Variants in DOCK1 observed in about 807,000 individuals in gnomAD.
DOCK1 encodes the protein dedicator of cytokinesis 1.
DOCK1 carries 138 observed loss-of-function variants against 262.7 expected under a neutral mutation model. The ratio of observed to expected loss-of-function variants is 0.53; its 90% CI spans 0.46 to 0.61. The LOEUF is 0.61. Ranked by LOEUF, DOCK1 falls within the 20% of genes least tolerant of loss-of-function variation. DOCK1 has a pLI of 0.00. For missense variants in DOCK1, 1,908 were observed against 2,370.7 expected, an observed-to-expected ratio of 0.80 and a Z score of 4.05; for synonymous variants, 866 against 867.4, an observed-to-expected ratio of 1.00 and a Z score of 0.03.
intron 10 of DOCK1, among the ~76,000 whole-genome samples, chr10:127,007,966 G>A (rs1159708116): frequency 6.6e-6 from 1 of 152,210 alleles, no homozygotes; most frequent in Admixed American, 6.5e-5. Flanking sequence ...TTGCGGGAAA[G>A]CAAAAGTGTG....
At chr10:127,007,717 T>G (rs921186748) in intron 10 of DOCK1, 2 of 152,198 alleles carry the variant, frequency 1.3e-5, no homozygotes, top group African/African-American at 4.8e-5. Context: ...CAAGCCTGGA[T>G]CTCCCGGGGG....
intron 29 of DOCK1, among the ~76,000 whole-genome samples, chr10:127,318,702 T>G (rs757318327): frequency 2.0e-5 from 3 of 152,216 alleles, no homozygotes; most frequent in Non-Finnish European, 4.4e-5. Flanking sequence ...AGGACTATTT[T>G]AAATGCTGGG....
At chr10:127,300,733 C>T (rs969836489) in intron 29 of DOCK1, among the ~76,000 whole-genome samples, 48 of 152,278 alleles carry the variant, frequency 3.2e-4, no homozygotes, top group African/African-American at 1.1e-3. Context: ...AGAATGGCCT[C>T]CCCAGCCGTT....
At chr10:127,222,803 C>T (rs941643091) in intron 27 of DOCK1, among the ~76,000 whole-genome samples, 3 of 95,624 alleles carry the variant, frequency 3.1e-5, no homozygotes, top group Non-Finnish European at 5.0e-5. Context: ...GTAGCTGGGA[C>T]TACAAGCACT....
intron 1 of DOCK1, among the ~76,000 whole-genome samples, chr10:126,946,920 G>T (rs972546473): frequency 6.6e-6 from 1 of 152,156 alleles, no homozygotes; most frequent in Non-Finnish European, 1.5e-5. Flanking sequence ...GGTCACAGCG[G>T]ACAGGCTCAC....
At chr10:126,998,655 G>A (rs559415586) in intron 8 of DOCK1, 1 of 164,454 alleles carries the variant, frequency 6.1e-6, no homozygotes, top group East Asian at 1.6e-4. Context: ...GTTTTGTCTT[G>A]TTTTTTCTGC....
chr10:127,067,444 A>G (rs1240158746), intron 23 of DOCK1, among the ~76,000 whole-genome samples: 1 of 152,096 alleles, frequency 6.6e-6, no homozygotes, highest in East Asian at 1.9e-4. Flanking sequence ...TATAGAAGGA[A>G]ACTTTGACCA....
chr10:127,080,350 G>A (rs1165771078), intron 23 of DOCK1, among the ~76,000 whole-genome samples: 2 of 152,098 alleles, frequency 1.3e-5, no homozygotes, highest in African/African-American at 4.8e-5. Context: ...TTGAAAATGA[G>A]TAGCATTTCA....
At chr10:127,000,421 T>C in intron 10 of DOCK1, 114 bp downstream of exon 10, 4 of 1,396,054 alleles carry the variant, frequency 2.9e-6, no homozygotes, top group Non-Finnish European at 3.8e-6. Flanking sequence ...TAAGCTTTTC[T>C]GCTGGAGAGA....
At chr10:127,315,701 A>G (rs955624312) in intron 29 of DOCK1, among the ~76,000 whole-genome samples, 5 of 152,098 alleles carry the variant, frequency 3.3e-5, no homozygotes, top group African/African-American at 1.2e-4. Context: ...CCGGATTCCA[A>G]ATACCTTTTC....
At position 127,432,244 on chromosome 10, in the gene DOCK1, T is replaced by TAC. The variant is rs60032310; in HGVS notation, c.4915-1035_4915-1034dup. On this transcript the variant is annotated intron_variant, in intron 47 of 51. Transcript: ENST00000623213. ...GCTTCTTATTATGAAAGAGATAGTT[T>TAC]ACACATCAAATGCTGTTTTATTTGG... is the stretch of plus-strand genomic sequence containing the variant. Among the ~76,000 whole-genome samples the TAC allele has an allele frequency of 4.7e-3, 718 of 152,298 alleles. 3 individuals carry two copies. The highest frequency in any genetic ancestry group is 0.016 in the African/African-American group (680 of 41,574).
In DOCK1 at chr10:127,153,823, A is replaced by C. The variant is rs369222449; in HGVS notation, c.2847+26059A>C. 26 of 1,535,596 alleles carry C rather than the reference A, an allele frequency of 1.7e-5. No individual in the cohort carries two copies. In the South Asian group the frequency reaches 2.9e-4, roughly 17 times the overall value. Reference sequence around the variant, plus strand: ...AACATCATTTGTCACTCATAATAAGAAAGTGGGAAGAGGAGAATGTTAACA... The same window carrying C: ...AACATCATTTGTCACTCATAATAAGCAAGTGGGAAGAGGAGAATGTTAACA... On this transcript the variant is annotated intron_variant, in intron 27 of 51. Transcript: ENST00000623213.
At chr10:127,361,172 G>A (rs1320642273) in intron 32 of DOCK1, among the ~76,000 whole-genome samples, 2 of 135,186 alleles carry the variant, frequency 1.5e-5, no homozygotes, top group African/African-American at 2.9e-5. Flanking sequence ...GGAGTGCACT[G>A]GCGTGATCTT....
At chr10:127,275,056 T>C (rs1295082560) in intron 29 of DOCK1, among the ~76,000 whole-genome samples, 1 of 152,122 alleles carries the variant, frequency 6.6e-6, no homozygotes, top group Non-Finnish European at 1.5e-5. Context: ...AATTCTACAC[T>C]GACGTTCAGA....
chr10:126,913,482 C>T (rs577854708), intron 1 of DOCK1, among the ~76,000 whole-genome samples: 43 of 152,212 alleles, frequency 2.8e-4, no homozygotes, highest in African/African-American at 9.9e-4. Context: ...GTCCTCCACT[C>T]GCACCTTGCG....
At chr10:127,147,804 G>A (rs992870269) in intron 27 of DOCK1, among the ~76,000 whole-genome samples, 11 of 151,794 alleles carry the variant, frequency 7.2e-5, no homozygotes, top group African/African-American at 2.4e-4. Context: ...AAGTCGAGGC[G>A]GGTGGATCAT....
rs192099468 is a variant in DOCK1 at position 127,389,992 on chromosome 10, C to T, written c.3927+5083C>T. ...TTGAGCCACTGCACTCCAGCCTGGG[C>T]GACAGGAACTCTGTCTCAAACAAAA... On this transcript the variant is annotated intron_variant, in intron 38 of 51. Coordinates refer to ENST00000623213, the MANE Select transcript of DOCK1 (RefSeq NM_001290223.2). 2.9e-5 allele frequency among the ~76,000 whole-genome samples: 4 copies of T among 137,786 alleles called. No individual in the cohort carries two copies. In the East Asian group the frequency reaches 6.5e-4, roughly 22 times the overall value. The allele number at this position is 137,786 out of a possible 152,430, so 90.4% of individuals were successfully genotyped here.
chr10:127,018,575 C>G (rs1217563109), intron 12 of DOCK1, 135 bp from the exon 13 acceptor site: 4 of 1,422,334 alleles, frequency 2.8e-6, no homozygotes, highest in Admixed American at 2.1e-5. Context: ...CCCTCTCTTT[C>G]TCATATACCC....
chr10:127,184,990 TG>T (rs2056095468), intron 27 of DOCK1, among the ~76,000 whole-genome samples: 2 of 152,176 alleles, frequency 1.3e-5, no homozygotes, highest in South Asian at 4.1e-4. Context: ...AGAGACACGT[TG>T]ATGCCTGACA....
Sources: gnomAD v4.1 joint callset for allele counts (sites outside exome capture counted in the v4.1 genomes callset) on GRCh38, gnomAD v4.1.1 for gene constraint, MANE v1.5 for transcripts, NCBI Gene and HGNC (gene_info 2026-07-23, HGNC 2026-07-21) for gene names.